The following BAZ1B variants were observed in gnomAD, a reference collection of about 807,000 sequenced individuals.
BAZ1B encodes tyrosine-protein kinase BAZ1B.
In BAZ1B, 22 loss-of-function variants were observed where a neutral mutation model predicts 153.8. The ratio of observed to expected loss-of-function variants is 0.14; its 90% CI spans 0.10 to 0.20. BAZ1B has a LOEUF of 0.20. Ranked by LOEUF, BAZ1B falls within the 10% of genes least tolerant of loss-of-function variation. BAZ1B has a pLI of 1.00. For synonymous variants in BAZ1B, 676 were observed against 633.4 expected (o/e 1.07, Z -1.01); for missense variants, 1,325 against 1,799.3 (o/e 0.74, Z 4.77).
intron 1 of BAZ1B, among the ~76,000 whole-genome samples, chr7:73,520,070 G>A (rs1231440658): frequency 6.6e-6 from 1 of 152,044 alleles, no homozygotes; most frequent in Non-Finnish European, 1.5e-5. Context: ...TTAGCCGGGC[G>A]TGGTGGCACG....
At chr7:73,491,627 A>T (rs1446037482) in intron 5 of BAZ1B, among the ~76,000 whole-genome samples, 9 of 152,060 alleles carry the variant, frequency 5.9e-5, no homozygotes, top group African/African-American at 2.2e-4. Flanking sequence ...GAAAAAAAAA[A>T]TCCTAACAAC....
intron 12 of BAZ1B, chr7:73,462,570 A>T (rs1183002508): frequency 3.5e-6 from 1 of 283,666 alleles, no homozygotes; most frequent in African/African-American, 2.3e-5. Context: ...GGGCAAGTGC[A>T]GGATATGCAA....
intron 11 of BAZ1B, 36 bp downstream of exon 11, chr7:73,465,402 GA>G (rs782606120): frequency 3.0e-6 from 4 of 1,346,108 alleles, no homozygotes; most frequent in Non-Finnish European, 3.1e-6. Context: ...ATGCTAAAGA[GA>G]AGTAAGATGT....
chr7:73,459,602 G>A lies in BAZ1B; in HGVS notation c.3366C>T (p.Leu1122=). The A allele has an allele frequency of 6.2e-7, 1 of 1,613,898 alleles. No individual in the cohort carries two copies. Among genetic ancestry groups the A allele is most frequent in the Non-Finnish European group, 8.5e-7 (1 of 1,179,990 alleles). ...FMAPKQKRRK[L]QSEDSAKTEE... is the part of the protein sequence containing the mutation. ...CAGTTTTTGCTGAATCTTCACTTTG[G>A]AGTTTTCTTCTCTTTTGCTTGGGAG... Residue 1122 remains leucine, a synonymous_variant, in exon 13 of 20, where the codon CTC becomes CTT. Transcript: ENST00000339594.
intron 1 of BAZ1B, among the ~76,000 whole-genome samples, chr7:73,521,240 C>T (rs1266420347): frequency 1.3e-5 from 2 of 152,028 alleles, no homozygotes; most frequent in Admixed American, 1.3e-4. Flanking sequence ...AGCGGGGAAT[C>T]TCATTCCTAG....
chr7:73,521,952 G>C lies in BAZ1B; in HGVS notation c.-19C>G, dbSNP rs1791074382. The C allele has an allele frequency of 7.0e-7, 1 of 1,435,190 alleles. No individual in the cohort carries two copies. Among genetic ancestry groups the C allele is most frequent in the African/African-American group, 1.5e-5 (1 of 66,744 alleles). The allele number at this position is 1,435,190 out of a possible 1,614,324, so 88.9% of individuals were successfully genotyped here. On this transcript the variant is annotated 5_prime_UTR_variant, in exon 1 of 20. Transcript: ENST00000339594. ...GCGCCATCGCGGCGGCGGCGGTGGG[G>C]ACTGGCGGCTGCTGGGGCCGGCCCC... is the stretch of plus-strand genomic sequence containing the variant.
Position 73,450,711 on chromosome 7 carries a change from G to T in BAZ1B, c.3580+136C>A. The T allele has an allele frequency of 3.0e-6, 3 of 992,318 alleles. No individual in the cohort carries two copies. Among genetic ancestry groups the T allele is most frequent in the South Asian group, 1.7e-5 (1 of 60,222 alleles). The allele number at this position is 992,318 out of a possible 1,614,324, so 61.5% of individuals were successfully genotyped here. The stretch of plus-strand genomic sequence containing the variant: ...ACATTTCAAAGACTGGCATGTTACA[G>T]ACCTGCAGGAGAGTAAAATCTATAC... On this transcript the variant is annotated intron_variant, in intron 14 of 19. Transcript: ENST00000339594. The surrounding 1 kb of genome is among the most constrained non-coding windows in gnomAD (Gnocchi z 4.1).
chr7:73,471,625 G>A (rs1021765647), intron 7 of BAZ1B, among the ~76,000 whole-genome samples: 3 of 152,080 alleles, frequency 2.0e-5, no homozygotes, highest in African/African-American at 7.2e-5. Context: ...GCTGGGATTA[G>A]AGATGTGAGC....
At chr7:73,451,039 G>A in intron 13 of BAZ1B, 45 bp from the exon 14 acceptor site, 1 of 1,597,834 alleles carries the variant, frequency 6.3e-7, no homozygotes, top group Non-Finnish European at 8.6e-7. Flanking sequence ...ACTGACCAAA[G>A]ACACTGAGAG....
intron 19 of BAZ1B, 62 bp downstream of exon 19, chr7:73,442,118 TG>T: frequency 9.2e-7 from 1 of 1,084,788 alleles, no homozygotes; most frequent in South Asian, 1.5e-5. Context: ...TCCAGGTTCT[TG>T]GTCTTCCTCG....
chr7:73,478,427 G>A lies in BAZ1B; in HGVS notation c.1034C>T (p.Ser345Leu). ...CACTTTGAGTGGCGAGCCACTCAAT[G>A]ACTTCTTCAAGTGTACGTGACACCA... is the stretch of plus-strand genomic sequence containing the variant. ...KLWCHVHLKKSLSGSPLKVKN... is the reference protein window; with the variant it reads ...KLWCHVHLKKLLSGSPLKVKN... The change falls in exon 7 of 20, where the codon TCA becomes TTA. Residue 345 changes from serine to leucine, a missense_variant. Physicochemically the swap from Ser to Leu is moderately radical, Grantham distance 145 (BLOSUM62 -2). Coordinates refer to ENST00000339594, the MANE Select transcript of BAZ1B (RefSeq NM_032408.4). 1 of 1,613,116 alleles carries A rather than the reference G, an allele frequency of 6.2e-7. No homozygotes were observed. The highest frequency in any genetic ancestry group is 8.5e-7 in the Non-Finnish European group (1 of 1,179,622).
chr7:73,447,971 C>T (rs1296584091), intron 15 of BAZ1B, among the ~76,000 whole-genome samples: 1 of 152,184 alleles, frequency 6.6e-6, no homozygotes, highest in Non-Finnish European at 1.5e-5. Flanking sequence ...CCTGCTAATA[C>T]TGTTAAGGTG....
At chr7:73,489,425 G>A in intron 5 of BAZ1B, 34 bp from the exon 6 acceptor site, 3 of 1,608,522 alleles carry the variant, frequency 1.9e-6, no homozygotes, top group Non-Finnish European at 2.6e-6. Flanking sequence ...CTCACCACTG[G>A]GGTAAAAAGT....
intron 1 of BAZ1B, among the ~76,000 whole-genome samples, chr7:73,511,878 A>T (rs1345416483): frequency 7.3e-5 from 11 of 151,274 alleles, no homozygotes; most frequent in African/African-American, 2.7e-4. Flanking sequence ...AAAAAAAAAA[A>T]AAATTAGCCG....
chr7:73,450,996 TA>T lies in BAZ1B; in HGVS notation c.3433-3del. The stretch of plus-strand genomic sequence containing the variant: ...CCATTTCTCCAGTGCAGATGCAACC[TA>T]AACAGAGACCAAACCAGGCCAGCAT... On this transcript the variant is annotated splice_region_variant and splice_polypyrimidine_tract_variant and intron_variant, in intron 13 of 19. Transcript: ENST00000339594. This position sits in a 1 kb window ranked among gnomAD's most constrained non-coding sequence, Gnocchi z 4.1. 1 of 1,613,986 alleles carries T rather than the reference TA, an allele frequency of 6.2e-7. No homozygotes were observed. The highest frequency in any genetic ancestry group is 8.5e-7 in the Non-Finnish European group (1 of 1,179,904).
rs1465352380 is a variant in BAZ1B at position 73,489,360 on chromosome 7, A to G, written c.725T>C (p.Ile242Thr). The G allele has an allele frequency of 6.2e-6, 10 of 1,614,062 alleles. No homozygotes were observed. The highest frequency in any genetic ancestry group is 8.5e-6 in the Non-Finnish European group (10 of 1,180,040). The change falls in exon 6 of 20, where the codon ATT becomes ACT. Residue 242 changes from isoleucine to threonine, a missense_variant. Around this residue, in one of 9 missense-constraint regions of BAZ1B, gnomAD observed 153 missense variants for 204.8 expected, o/e 0.75. Transcript: ENST00000339594. Reference sequence around the variant, plus strand: ...CTTATTTGGTGGGCGCTCTGTACGAATCAAGCTGTCTGCTGGCACGTTACT... The same window carrying G: ...CTTATTTGGTGGGCGCTCTGTACGAGTCAAGCTGTCTGCTGGCACGTTACT... ...IISNVPADSL[I>T]RTERPPNKEI...
chr7:73,493,571 T>C lies in BAZ1B; in HGVS notation c.572-650A>G, dbSNP rs549313604. 5.9e-5 allele frequency among the ~76,000 whole-genome samples: 9 copies of C among 152,008 alleles called. No individual in the cohort carries two copies. The South Asian group carries it at 1.9e-3, about 32-fold the overall frequency. On this transcript the variant is annotated intron_variant, in intron 4 of 19. Transcript: ENST00000339594. Reference sequence around the variant, plus strand: ...AGAATATGACTTGGGCCAGGTGTGGTAGTTCACGCCTGTAATCCCAGCACT... The same window carrying C: ...AGAATATGACTTGGGCCAGGTGTGGCAGTTCACGCCTGTAATCCCAGCACT...
At chr7:73,521,609 G>T (rs1051256756) in intron 1 of BAZ1B, among the ~76,000 whole-genome samples, 8 of 151,728 alleles carry the variant, frequency 5.3e-5, no homozygotes, top group African/African-American at 1.9e-4. Context: ...GGCCGAAGCG[G>T]GCCCTTCTCC....
chr7:73,451,290 T>C (rs562694189), intron 13 of BAZ1B, among the ~76,000 whole-genome samples: 1 of 152,328 alleles, frequency 6.6e-6, no homozygotes, highest in South Asian at 2.1e-4. Context: ...AATGCTATAA[T>C]GCAACAATTT....
Sources: gnomAD v4.1 joint callset for allele counts (sites outside exome capture counted in the v4.1 genomes callset) on GRCh38, gnomAD v4.1.1 for gene constraint, gnomAD v4.1.1 regional missense constraint, Gnocchi (gnomAD v3.1) non-coding constraint, MANE v1.5 for transcripts, NCBI Gene and HGNC (gene_info 2026-07-23, HGNC 2026-07-21) for gene names.